The following NUFIP1 variants were observed in gnomAD, a reference collection of about 807,000 sequenced individuals.
The protein encoded by NUFIP1 is nuclear FMR1 interacting protein 1.
A neutral mutation model predicts 56.2 loss-of-function variants in NUFIP1; 38 were observed. The ratio of observed to expected loss-of-function variants is 0.68; its 90% CI spans 0.52 to 0.89. The LOEUF (loss-of-function observed/expected upper bound fraction) is 0.89. Among genes scored for constraint, NUFIP1 ranks in the 40% least tolerant of loss-of-function variants. The probability of loss-of-function intolerance (pLI) is 0.00; values close to 1 mark genes in which losing one functional copy is unlikely to be tolerated. For missense variants in NUFIP1, 567 were observed against 605.8 expected (o/e 0.94, Z 0.67); for synonymous variants, 215 against 212.4 (o/e 1.01, Z -0.10).
At chr13:44,979,778 A>G in intron 4 of NUFIP1, 112 bp downstream of exon 4, 1 of 657,006 alleles carries the variant, frequency 1.5e-6, no homozygotes, top group East Asian at 3.0e-5. Context: ...AATCCTTACA[A>G]AGTACTCCAT....
intron 5 of NUFIP1, among the ~76,000 whole-genome samples, chr13:44,976,791 G>A (rs551716270): frequency 2.7e-4 from 41 of 152,288 alleles, no homozygotes; most frequent in Middle Eastern, 3.4e-3. Flanking sequence ...ACTCTCTGCA[G>A]AGGCCCAAGG....
chr13:44,963,694 C>T (rs1593363731), intron 6 of NUFIP1, among the ~76,000 whole-genome samples: 2 of 152,118 alleles, frequency 1.3e-5, no homozygotes, highest in East Asian at 3.8e-4. Context: ...TGGAATAAAT[C>T]CCATTTAGTC....
At chr13:44,969,728 C>G (rs148182612) in intron 5 of NUFIP1, among the ~76,000 whole-genome samples, 18 of 152,224 alleles carry the variant, frequency 1.2e-4, no homozygotes, top group African/African-American at 3.6e-4. Flanking sequence ...ACTACAGAGC[C>G]AACACATGGG....
chr13:44,943,746 C>A, intron 8 of NUFIP1, 72 bp from the exon 9 acceptor site: 1 of 1,111,062 alleles, frequency 9.0e-7, no homozygotes, highest in Non-Finnish European at 1.3e-6. Context: ...CAAAAGCAAC[C>A]AACAAATCCA....
At chr13:44,977,621 C>T (rs886928409) in intron 5 of NUFIP1, among the ~76,000 whole-genome samples, 6 of 152,122 alleles carry the variant, frequency 3.9e-5, no homozygotes, top group African/African-American at 1.4e-4. Context: ...CCAAAGAGAT[C>T]AAAGAAAAAG....
chr13:44,941,390 T>C (rs1743317372), intron 9 of NUFIP1, 68 bp from the exon 10 acceptor site: 2 of 845,710 alleles, frequency 2.4e-6, no homozygotes, highest in South Asian at 3.1e-5. Context: ...ATCTAAAATA[T>C]TGCATGTACC....
chr13:44,950,780 T>C (rs998236836), intron 7 of NUFIP1, among the ~76,000 whole-genome samples: 11 of 152,220 alleles, frequency 7.2e-5, no homozygotes, highest in Non-Finnish European at 1.2e-4. Context: ...AGCCTAGTTG[T>C]AGCCCCAGGA....
At chr13:44,982,667 C>CAA (rs796640736) in intron 1 of NUFIP1, among the ~76,000 whole-genome samples, 10 of 139,218 alleles carry the variant, frequency 7.2e-5, no homozygotes, top group Non-Finnish European at 1.4e-4. Flanking sequence ...ATACTGACAC[C>CAA]AAAAAAAAAA....
chr13:44,964,846 G>A (rs1327468239), intron 6 of NUFIP1, among the ~76,000 whole-genome samples: 3 of 152,182 alleles, frequency 2.0e-5, no homozygotes, highest in African/African-American at 7.2e-5. Flanking sequence ...TATTACATCA[G>A]TAGTGAGTAG....
intron 5 of NUFIP1, among the ~76,000 whole-genome samples, chr13:44,972,702 G>A (rs947624418): frequency 2.6e-5 from 4 of 152,102 alleles, no homozygotes; most frequent in Non-Finnish European, 4.4e-5. Flanking sequence ...ACAAATAGAC[G>A]GCCCTCCCCT....
intron 2 of NUFIP1, among the ~76,000 whole-genome samples, 165 bp from the exon 3 acceptor site, chr13:44,980,985 T>C (rs1469180122): frequency 6.6e-6 from 1 of 151,992 alleles, no homozygotes. Flanking sequence ...ATTCTATTTC[T>C]TTCTTTCATT....
intron 5 of NUFIP1, among the ~76,000 whole-genome samples, chr13:44,966,608 C>T (rs1259844878): frequency 6.6e-6 from 1 of 152,198 alleles, no homozygotes; most frequent in East Asian, 1.9e-4. Context: ...AACCATCACG[C>T]CCGGCCAAGT....
intron 5 of NUFIP1, among the ~76,000 whole-genome samples, chr13:44,978,406 C>T (rs897430216): frequency 6.6e-6 from 1 of 151,942 alleles, no homozygotes; most frequent in African/African-American, 2.4e-5. Flanking sequence ...TTTTTAATTC[C>T]AGGAAAAGAG....
intron 6 of NUFIP1, 75 bp downstream of exon 6, chr13:44,965,769 C>A (rs1475280676): frequency 1.7e-6 from 1 of 600,436 alleles, no homozygotes; most frequent in Non-Finnish European, 2.7e-6. Flanking sequence ...GCAAAGATTT[C>A]ATAATTGAGT....
At chr13:44,985,374 T>C (rs1566065924) in intron 1 of NUFIP1, among the ~76,000 whole-genome samples, 3 of 152,332 alleles carry the variant, frequency 2.0e-5, no homozygotes, top group East Asian at 3.9e-4. Context: ...TTGCATCCCA[T>C]ATATCCTATC....
At chr13:44,988,416 T>C (rs754264821) in intron 1 of NUFIP1, among the ~76,000 whole-genome samples, 2 of 152,078 alleles carry the variant, frequency 1.3e-5, no homozygotes, top group Non-Finnish European at 2.9e-5. Flanking sequence ...CGCGCTACTC[T>C]TCACTCCAGC....
intron 1 of NUFIP1, among the ~76,000 whole-genome samples, chr13:44,984,825 C>T (rs890116202): frequency 2.0e-5 from 3 of 151,970 alleles, no homozygotes; most frequent in Non-Finnish European, 4.4e-5. Context: ...CGTCATTTAG[C>T]ATTAGGTATA....
chr13:44,946,305 T>A (rs1459549977), intron 8 of NUFIP1, among the ~76,000 whole-genome samples: 1 of 152,170 alleles, frequency 6.6e-6, no homozygotes, highest in African/African-American at 2.4e-5. Context: ...AAATTTTAAA[T>A]ATAGCTCATT....
rs376727786 is a variant in NUFIP1, at chr13:44,943,546, G to A, written c.1267C>T (p.Arg423Ter). 3.1e-6 allele frequency: 5 copies of A among 1,613,724 alleles called. No homozygotes were observed. Among genetic ancestry groups the A allele is most frequent in the South Asian group, 1.1e-5 (1 of 91,060 alleles). The change falls in exon 9 of 10, where the codon CGA becomes TGA. Residue 423 changes from arginine (R) to a stop codon, truncating the protein, a stop_gained. Coordinates refer to ENST00000379161, the MANE Select transcript of NUFIP1 (RefSeq NM_012345.3). LOFTEE classifies it high-confidence loss of function. ...TTTGTTTTTTCAAAGCTTTTCTTTC[G>A]GTTCTCACTCTTGGCTTCTGAAAAA... is the stretch of plus-strand genomic sequence containing the variant. ...RNFSEAKSEN[R>*]KKSFEKTNPK...
Sources: gnomAD v4.1 joint callset for allele counts (sites outside exome capture counted in the v4.1 genomes callset) on GRCh38, gnomAD v4.1.1 for gene constraint, MANE v1.5 for transcripts, NCBI Gene and HGNC (gene_info 2026-07-23, HGNC 2026-07-21) for gene names.